Variants in ZNF680 observed in about 807,000 individuals in gnomAD.
ZNF680 encodes hypothetical protein FLJ90430.
In ZNF680, 6 loss-of-function variants were observed where a neutral mutation model predicts 12.1. The ratio of observed to expected loss-of-function variants is 0.49; its 90% CI spans 0.27 to 0.98. The LOEUF (loss-of-function observed/expected upper bound fraction) is 0.98. ZNF680 is among the 50% of genes least tolerant of loss of function. ZNF680 has a pLI of 0.12. For synonymous variants in ZNF680, 170 were observed against 199.3 expected (o/e 0.85, Z 1.24); for missense variants, 561 against 616.3 (o/e 0.91, Z 0.95).
chr7:64,534,531 G>C (rs903882033), intron 3 of ZNF680, among the ~76,000 whole-genome samples: 4 of 152,094 alleles, frequency 2.6e-5, no homozygotes, highest in Admixed American at 2.6e-4. Flanking sequence ...GCACAGATGC[G>C]GTGATCAGGG....
chr7:64,556,731 A>T (rs1787434538), intron 1 of ZNF680, among the ~76,000 whole-genome samples: 1 of 152,226 alleles, frequency 6.6e-6, no homozygotes, highest in Non-Finnish European at 1.5e-5. Context: ...AGAAAATATT[A>T]TTGACATAGG....
At chr7:64,506,468 G>C in the ZNF680 span, among the ~76,000 whole-genome samples, 4 of 151,962 alleles carry the variant, frequency 2.6e-5, no homozygotes, top group African/African-American at 4.8e-5. Context: ...GATTACAGGC[G>C]TGAGCCACCA....
the ZNF680 span, among the ~76,000 whole-genome samples, chr7:64,513,385 C>A: frequency 6.6e-6 from 1 of 151,616 alleles, no homozygotes; most frequent in Non-Finnish European, 1.5e-5. Flanking sequence ...CAAAAAAATT[C>A]TGTATGTAAA....
At chr7:64,558,837 C>A (rs1339523285) in intron 1 of ZNF680, among the ~76,000 whole-genome samples, 1 of 150,036 alleles carries the variant, frequency 6.7e-6, no homozygotes, top group Non-Finnish European at 1.5e-5. Flanking sequence ...TGAGGACACA[C>A]CGGGGAGAAA....
intron 1 of ZNF680, among the ~76,000 whole-genome samples, chr7:64,550,058 GTTAAC>G (rs1786993574): frequency 6.6e-6 from 1 of 152,204 alleles, no homozygotes; most frequent in Non-Finnish European, 1.5e-5. Flanking sequence ...CTTGAGGATT[GTTAAC>G]TTGAGAGCAA....
At chr7:64,504,025 G>A in the ZNF680 span, among the ~76,000 whole-genome samples, 4 of 152,140 alleles carry the variant, frequency 2.6e-5, no homozygotes, top group Admixed American at 1.3e-4. Flanking sequence ...TATTGAGCTC[G>A]GGTAATATTT....
chr7:64,533,561 G>C (rs1785998493), intron 3 of ZNF680, among the ~76,000 whole-genome samples: 1 of 152,030 alleles, frequency 6.6e-6, no homozygotes, highest in Non-Finnish European at 1.5e-5. Flanking sequence ...TGGATAGGTA[G>C]AATTAATCTT....
the ZNF680 span, among the ~76,000 whole-genome samples, chr7:64,502,363 T>TAC: frequency 0.22 from 34,171 of 151,970 alleles, 4,019 homozygotes; most frequent in South Asian, 0.28. Context: ...ATGCAGAAAG[T>TAC]AGTTTTTTTC....
intron 1 of ZNF680, among the ~76,000 whole-genome samples, chr7:64,547,033 A>C (rs1303257175): frequency 2.6e-5 from 4 of 152,208 alleles, no homozygotes; most frequent in African/African-American, 9.7e-5. Context: ...TGGAAAAGAC[A>C]CAAGTAAGAT....
chr7:64,514,613 AAAAT>A, the ZNF680 span, among the ~76,000 whole-genome samples: 3 of 152,130 alleles, frequency 2.0e-5, no homozygotes, highest in Admixed American at 1.3e-4. Context: ...AAATGTCAAT[AAAAT>A]AAACTCACCA....
At chr7:64,506,607 A>G in the ZNF680 span, among the ~76,000 whole-genome samples, 1 of 152,210 alleles carries the variant, frequency 6.6e-6, no homozygotes, top group African/African-American at 2.4e-5. Flanking sequence ...GGCTTAAATT[A>G]TTTCTCTTTA....
chr7:64,543,556 T>C, intron 3 of ZNF680, 151 bp downstream of exon 3: 2 of 609,680 alleles, frequency 3.3e-6, no homozygotes, highest in South Asian at 2.1e-5. Context: ...GATGCCCCTA[T>C]GTGAGAGCAA....
chr7:64,535,211 A>G (rs1045662405), intron 3 of ZNF680, among the ~76,000 whole-genome samples: 5 of 152,114 alleles, frequency 3.3e-5, no homozygotes, highest in Non-Finnish European at 7.4e-5. Flanking sequence ...CAAAAATACA[A>G]AAAAACTAAC....
At chr7:64,528,862 A>T (rs1386458423) in intron 3 of ZNF680, among the ~76,000 whole-genome samples, 1 of 152,178 alleles carries the variant, frequency 6.6e-6, no homozygotes, top group Non-Finnish European at 1.5e-5. Context: ...GAAGGAGGCA[A>T]ATCAGCACAA....
At chr7:64,547,519 A>G (rs912939537) in intron 1 of ZNF680, among the ~76,000 whole-genome samples, 3 of 152,254 alleles carry the variant, frequency 2.0e-5, no homozygotes, top group African/African-American at 7.2e-5. Context: ...TGGGAAAAAT[A>G]CATTATTTGA....
intron 3 of ZNF680, among the ~76,000 whole-genome samples, chr7:64,529,415 A>G (rs942125971): frequency 1.3e-5 from 2 of 152,230 alleles, no homozygotes; most frequent in Non-Finnish European, 2.9e-5. Flanking sequence ...TCAAAGAACA[A>G]TACACAAAAC....
Position 64,521,524 on chromosome 7 carries a change from T to A in ZNF680, c.1230A>T (p.Glu410Asp). The change falls in exon 4 of 4, where the codon GAA becomes GAT. Residue 410 changes from glutamate to aspartate, a missense_variant. Physicochemically the swap from Glu to Asp is conservative, Grantham distance 45 (BLOSUM62 2). Coordinates refer to ENST00000309683, the MANE Select transcript of ZNF680 (RefSeq NM_178558.5). ...HTGEKPYKCE[E>D]CGKAFNGCSS... ...AGCACCCATTAAAAGCTTTGCCACA[T>A]TCTTCACATTTGTAGGGTTTCTCTC... 6.2e-7 allele frequency: 1 copy of A among 1,613,472 alleles called. No homozygotes were observed.
the ZNF680 span, among the ~76,000 whole-genome samples, chr7:64,503,468 C>T: frequency 8.1e-5 from 12 of 148,864 alleles, no homozygotes; most frequent in African/African-American, 2.7e-4. Context: ...GTAACCTCTG[C>T]CTCCTGGGTT....
chr7:64,553,277 A>G (rs1157003230), intron 1 of ZNF680, among the ~76,000 whole-genome samples: 1 of 150,550 alleles, frequency 6.6e-6, no homozygotes, highest in Non-Finnish European at 1.5e-5. Context: ...ACCTAGATTA[A>G]TATGATTTAT....
Sources: allele counts gnomAD v4.1 joint callset (sites outside exome capture counted in the v4.1 genomes callset), GRCh38; gene constraint gnomAD v4.1.1; transcripts MANE v1.5; gene names NCBI Gene and HGNC (gene_info 2026-07-23, HGNC 2026-07-21).